Variants in LMTK2 observed in about 807,000 individuals in gnomAD.
The protein encoded by LMTK2 is serine/threonine-protein kinase LMTK2.
LMTK2 carries 37 observed loss-of-function variants against 127.5 expected under a neutral mutation model. That is an observed-to-expected ratio of 0.29 (90% CI 0.22 to 0.38). The LOEUF is 0.38. Among genes scored for constraint, LMTK2 ranks in the 10% least tolerant of loss-of-function variants. The probability of loss-of-function intolerance (pLI) is 1.00; values close to 1 mark genes in which losing one functional copy is unlikely to be tolerated. For missense variants in LMTK2, 1,694 were observed against 1,920.3 expected, an observed-to-expected ratio of 0.88 and a Z score of 2.20; for synonymous variants, 819 against 810.1, an observed-to-expected ratio of 1.01 and a Z score of -0.19.
At chr7:98,108,223 C>T (rs1325933035) in intron 1 of LMTK2, among the ~76,000 whole-genome samples, 2 of 152,112 alleles carry the variant, frequency 1.3e-5, no homozygotes, top group South Asian at 2.1e-4. Flanking sequence ...ATGACCTACC[C>T]AGGGTGACAC....
At chr7:98,127,624 T>C (rs1447828513) in intron 1 of LMTK2, among the ~76,000 whole-genome samples, 1 of 152,350 alleles carries the variant, frequency 6.6e-6, no homozygotes, top group South Asian at 2.1e-4. Context: ...CTGTCAAGGA[T>C]GGACCCCTGC....
At chr7:98,117,922 G>A (rs1439729977) in intron 1 of LMTK2, among the ~76,000 whole-genome samples, 3 of 152,138 alleles carry the variant, frequency 2.0e-5, no homozygotes, top group Admixed American at 1.3e-4. Flanking sequence ...AGCCGAGATC[G>A]GACCACTGCA....
Position 98,192,090 on chromosome 7 carries a change from C to A in LMTK2, c.1625C>A (p.Ala542Asp). The stretch of plus-strand genomic sequence containing the variant: ...CCTGGAGTGGTTCCTGTTTTTGATG[C>A]CCACAACCTTTCTGTTGGAAGCGAC... ...RVPGVVPVFD[A>D]HNLSVGSDYY... Residue 542 changes from alanine (A) to aspartate (D), a missense_variant, in exon 11 of 14, where the codon GCC (alanine) becomes GAC (aspartate). By Grantham distance (126) the Ala-to-Asp change is moderately radical. Around this residue, in one of 8 missense-constraint regions of LMTK2, gnomAD observed 216 missense variants for 266.8 expected, o/e 0.81. Transcript: ENST00000297293. 1 of 1,564,488 alleles carries A rather than the reference C, an allele frequency of 6.4e-7. No homozygotes were observed. Among genetic ancestry groups the A allele is most frequent in the Non-Finnish European group, 8.6e-7 (1 of 1,156,834 alleles).
At chr7:98,173,101 C>T (rs1011049499) in intron 7 of LMTK2, among the ~76,000 whole-genome samples, 2 of 152,166 alleles carry the variant, frequency 1.3e-5, no homozygotes, top group Non-Finnish European at 2.9e-5. Flanking sequence ...CAGTAATATG[C>T]TTAGTGTGAT....
intron 3 of LMTK2, among the ~76,000 whole-genome samples, chr7:98,148,352 G>A (rs1222800385): frequency 6.6e-6 from 1 of 151,840 alleles, no homozygotes; most frequent in Non-Finnish European, 1.5e-5. Flanking sequence ...AGTTAGCCGG[G>A]CATGGTGGCG....
intron 3 of LMTK2, among the ~76,000 whole-genome samples, chr7:98,148,854 T>C (rs1796809985): frequency 6.6e-6 from 1 of 152,242 alleles, no homozygotes; most frequent in South Asian, 2.1e-4. Context: ...GCTGAAAGCC[T>C]GTGTTCTTCC....
chr7:98,135,081 GA>G (rs1562900808), intron 1 of LMTK2, among the ~76,000 whole-genome samples: 1 of 152,100 alleles, frequency 6.6e-6, no homozygotes. Flanking sequence ...TTTTGTTATT[GA>G]AAAAGAACTT....
At chr7:98,182,126 A>C (rs1253745043) in intron 7 of LMTK2, among the ~76,000 whole-genome samples, 1 of 152,262 alleles carries the variant, frequency 6.6e-6, no homozygotes, top group Non-Finnish European at 1.5e-5. Flanking sequence ...ACCTAAATGT[A>C]AGATGCAAAA....
chr7:98,156,404 G>T (rs538443759), intron 5 of LMTK2, among the ~76,000 whole-genome samples: 1 of 151,872 alleles, frequency 6.6e-6, no homozygotes, highest in East Asian at 1.9e-4. Flanking sequence ...GGTGGAGCTT[G>T]CAGTGAGCCG....
At chr7:98,138,701 G>C (rs1014649669) in intron 2 of LMTK2, among the ~76,000 whole-genome samples, 2 of 152,166 alleles carry the variant, frequency 1.3e-5, no homozygotes, top group Admixed American at 6.5e-5. Context: ...GGCCATTTCA[G>C]GACAAAGATA....
chr7:98,127,508 G>C (rs1796460334), intron 1 of LMTK2, among the ~76,000 whole-genome samples: 2 of 152,196 alleles, frequency 1.3e-5, no homozygotes, highest in African/African-American at 4.8e-5. Context: ...TGAGGCAAGA[G>C]GGTCTGGGCA....
rs1172490022 is a variant in LMTK2, at chr7:98,207,401, G to A, written c.*1909G>A. The A allele has an allele frequency of 1.3e-5, 2 of 152,014 alleles. No individual in the cohort carries two copies. Among genetic ancestry groups the A allele is most frequent in the Non-Finnish European group, 2.9e-5 (2 of 68,016 alleles). The allele number at this position is 152,014 out of a possible 1,614,324, so 9.4% of individuals were successfully genotyped here. On this transcript the variant is annotated 3_prime_UTR_variant, in exon 14 of 14. Coordinates refer to ENST00000297293, the MANE Select transcript of LMTK2 (RefSeq NM_014916.4). ...TTATACTAAGCAATAACTTTCCAAA[G>A]CAAGAAGTTCAGGATGGAGAGAGTC...
intron 1 of LMTK2, among the ~76,000 whole-genome samples, chr7:98,128,383 C>T (rs1273066929): frequency 6.6e-6 from 1 of 152,068 alleles, no homozygotes; most frequent in African/African-American, 2.4e-5. Flanking sequence ...AAGAAAGCCC[C>T]TTTGAGAATG....
intron 6 of LMTK2, among the ~76,000 whole-genome samples, chr7:98,167,052 G>A (rs1191957926): frequency 6.6e-6 from 1 of 152,078 alleles, no homozygotes; most frequent in Non-Finnish European, 1.5e-5. Flanking sequence ...AAATTTAAAA[G>A]CCCAGTAAAA....
chr7:98,199,045 A>G (rs1056026530), intron 11 of LMTK2, among the ~76,000 whole-genome samples: 3 of 152,100 alleles, frequency 2.0e-5, no homozygotes, highest in Admixed American at 2.0e-4. Flanking sequence ...TTGTTATTAA[A>G]TTTTAGTCTA....
intron 1 of LMTK2, among the ~76,000 whole-genome samples, chr7:98,128,510 G>T (rs1030349141): frequency 2.0e-5 from 3 of 152,238 alleles, no homozygotes; most frequent in Non-Finnish European, 4.4e-5. Flanking sequence ...GAAACCCCCA[G>T]CCTGTAGTAT....
chr7:98,116,023 T>TATAG (rs1161616576), intron 1 of LMTK2, among the ~76,000 whole-genome samples: 1 of 152,120 alleles, frequency 6.6e-6, no homozygotes, highest in East Asian at 1.9e-4. Context: ...TAGCTGGGAC[T>TATAG]ATAGGCGCAT....
intron 1 of LMTK2, among the ~76,000 whole-genome samples, chr7:98,117,112 C>T (rs114429413): frequency 3.4e-3 from 513 of 152,238 alleles, no homozygotes; most frequent in African/African-American, 0.012. Context: ...ACTCTGTCCT[C>T]CCCTCCCCAT....
At position 98,204,108 on chromosome 7, in the gene LMTK2, T is replaced by A; in HGVS notation, c.4405T>A (p.Ser1469Thr). The A allele has an allele frequency of 6.2e-7, 1 of 1,612,864 alleles. No individual in the cohort carries two copies. Among genetic ancestry groups the A allele is most frequent in the Non-Finnish European group, 8.5e-7 (1 of 1,180,000 alleles). ...EQSWPHSAPYSRFSISPANIA... is the reference protein window; with the variant it reads ...EQSWPHSAPYTRFSISPANIA... ...GAGCTGGCCGCACTCGGCGCCTTAC[T>A]CCCGGTTCTCCATCTCTCCCGCCAA... The change falls in exon 13 of 14, where the codon TCC (serine) becomes ACC (threonine). Residue 1469 changes from serine to threonine, a missense_variant. Physicochemically the swap from Ser to Thr is moderately conservative, Grantham distance 58. This residue lies in a region of LMTK2 where 554 missense variants were observed against 567.7 expected (regional missense o/e 0.98). Transcript: ENST00000297293.
Sources: gnomAD v4.1 joint callset for allele counts (sites outside exome capture counted in the v4.1 genomes callset) on GRCh38, gnomAD v4.1.1 for gene constraint, gnomAD v4.1.1 regional missense constraint, MANE v1.5 for transcripts, NCBI Gene and HGNC (gene_info 2026-07-23, HGNC 2026-07-21) for gene names.